The following MCTP2 variants were observed in gnomAD, a reference collection of about 807,000 sequenced individuals.
The protein encoded by MCTP2 is multiple C2 and transmembrane domain containing 2.
MCTP2 carries 132 observed loss-of-function variants against 111.6 expected under a neutral mutation model. That is an observed-to-expected ratio of 1.18 (90% CI 1.03 to 1.37). The LOEUF (loss-of-function observed/expected upper bound fraction) is 1.37. MCTP2 is among the 40% of genes most tolerant of loss of function. The pLI, the probability that MCTP2 is intolerant of heterozygous loss-of-function variation, is 0.00. For synonymous variants in MCTP2, 395 were observed against 387.7 expected, an observed-to-expected ratio of 1.02 and a Z score of -0.22; for missense variants, 1,183 against 1,067.9, an observed-to-expected ratio of 1.11 and a Z score of -1.50.
At chr15:94,322,186 A>G (rs1371383519) in intron 4 of MCTP2, among the ~76,000 whole-genome samples, 2 of 152,178 alleles carry the variant, frequency 1.3e-5, no homozygotes, top group African/African-American at 2.4e-5. Flanking sequence ...TTAATCACAT[A>G]TTTTTTATTA....
intron 1 of MCTP2, among the ~76,000 whole-genome samples, chr15:94,294,187 C>T (rs574453721): frequency 2.0e-4 from 31 of 152,178 alleles, no homozygotes; most frequent in African/African-American, 7.0e-4. Context: ...GAGAATAGAA[C>T]GGTGGTTTGC....
intron 1 of MCTP2, among the ~76,000 whole-genome samples, chr15:94,241,771 A>G (rs1048431374): frequency 6.6e-6 from 1 of 151,874 alleles, no homozygotes; most frequent in Non-Finnish European, 1.5e-5. Flanking sequence ...ACAGTTTCCT[A>G]AGGCATACCC....
chr15:94,342,176 A>G (rs1043372375), intron 7 of MCTP2: 5 of 152,210 alleles, frequency 3.3e-5, no homozygotes, highest in African/African-American at 1.2e-4. Flanking sequence ...AAATAGCTGC[A>G]TATTCAAATG....
At chr15:94,327,620 C>T (rs1049279540) in intron 4 of MCTP2, among the ~76,000 whole-genome samples, 2 of 152,220 alleles carry the variant, frequency 1.3e-5, no homozygotes, top group African/African-American at 4.8e-5. Flanking sequence ...AAATGTGAAC[C>T]TTTCAAAGAT....
At chr15:94,450,973 C>T (rs2084407204) in intron 19 of MCTP2, among the ~76,000 whole-genome samples, 1 of 152,208 alleles carries the variant, frequency 6.6e-6, no homozygotes, top group Non-Finnish European at 1.5e-5. Flanking sequence ...AGGCTCGAAG[C>T]TAGTTTATTG....
rs1351898800 is a variant in MCTP2, at chr15:94,479,918, G to T, written c.*884G>T. ...AACTGAAGACCGAGAGACTAATAAGGCTGCTTACCTAATTATTATAATCAT... is the reference window on the plus strand; with the variant it reads ...AACTGAAGACCGAGAGACTAATAAGTCTGCTTACCTAATTATTATAATCAT... On this transcript the variant is annotated 3_prime_UTR_variant, in exon 23 of 23. Coordinates refer to ENST00000357742, the MANE Select transcript of MCTP2 (RefSeq NM_001385001.1). The T allele has an allele frequency of 6.6e-6, 1 of 152,040 alleles. No homozygotes were observed. The highest frequency in any genetic ancestry group is 2.4e-5 in the African/African-American group (1 of 41,396). The allele number at this position is 152,040 out of a possible 1,614,324, so 9.4% of individuals were successfully genotyped here.
chr15:94,346,319 G>A (rs147296129), intron 8 of MCTP2, among the ~76,000 whole-genome samples: 32 of 152,008 alleles, frequency 2.1e-4, no homozygotes, highest in Admixed American at 9.8e-4. Context: ...TCTTGTTACC[G>A]TATGAGTTCA....
At chr15:94,355,346 C>T (rs997539656) in intron 8 of MCTP2, among the ~76,000 whole-genome samples, 9 of 152,180 alleles carry the variant, frequency 5.9e-5, no homozygotes, top group African/African-American at 1.9e-4. Context: ...TTATACTCTT[C>T]TCTTTACCTT....
chr15:94,237,580 A>G (rs1166871195), intron 1 of MCTP2, among the ~76,000 whole-genome samples: 1 of 152,200 alleles, frequency 6.6e-6, no homozygotes, highest in Non-Finnish European at 1.5e-5. Context: ...CTCTGGCATA[A>G]CATTACCTGA....
At chr15:94,427,330 C>T (rs2082943230) in intron 17 of MCTP2, among the ~76,000 whole-genome samples, 2 of 152,140 alleles carry the variant, frequency 1.3e-5, no homozygotes, top group Admixed American at 6.5e-5. Context: ...GATATGAAGA[C>T]ATACCTGAGA....
At chr15:94,349,973 C>T (rs957878093) in intron 8 of MCTP2, among the ~76,000 whole-genome samples, 4 of 152,090 alleles carry the variant, frequency 2.6e-5, no homozygotes, top group Admixed American at 6.5e-5. Flanking sequence ...CGGTGTGTCC[C>T]CTGGACCAGC....
At position 94,461,240 on chromosome 15, in the gene MCTP2, A is replaced by C. The variant is rs182582171; in HGVS notation, c.2360+2994A>C. On this transcript the variant is annotated intron_variant, in intron 20 of 22. Transcript: ENST00000357742. Reference sequence around the variant, plus strand: ...TTTGGGAGGCTGAGGTGGGCGGATCACCTGAGGTCAGGAGTTCGAGACCAG... The same window carrying C: ...TTTGGGAGGCTGAGGTGGGCGGATCCCCTGAGGTCAGGAGTTCGAGACCAG... 1.5e-3 allele frequency among the ~76,000 whole-genome samples: 222 copies of C among 152,290 alleles called. 1 individual carries two copies. The highest frequency in any genetic ancestry group is 5.0e-3 in the African/African-American group (207 of 41,568).
chr15:94,284,046 T>G (rs1410707946), intron 1 of MCTP2, among the ~76,000 whole-genome samples: 1 of 152,190 alleles, frequency 6.6e-6, no homozygotes, highest in African/African-American at 2.4e-5. Context: ...GCATCAGGAA[T>G]ATAAATTAAT....
chr15:94,285,946 G>A (rs1216485190), intron 1 of MCTP2, among the ~76,000 whole-genome samples: 1 of 152,114 alleles, frequency 6.6e-6, no homozygotes. Flanking sequence ...AATTTTGAAG[G>A]GGTTTCTGTC....
chr15:94,402,706 G>T (rs1247597700), intron 17 of MCTP2: 2 of 1,450,094 alleles, frequency 1.4e-6, no homozygotes, highest in East Asian at 2.5e-5. Context: ...ATTTGTAAAG[G>T]GACTTGTCCT....
At position 94,373,199 on chromosome 15, in the gene MCTP2, G is replaced by T. The variant is rs150347388; in HGVS notation, c.1582+3019G>T. 2.4e-3 allele frequency among the ~76,000 whole-genome samples: 370 copies of T among 152,226 alleles called. 4 individuals are homozygous for T. Among genetic ancestry groups the T allele is most frequent in the Middle Eastern group, 0.017 (5 of 294 alleles). ...AAAATATAGGTCATTCAAGCCACGGGAATCAAATTAGAAGGATATTCCCTG... is the reference window on the plus strand; with the variant it reads ...AAAATATAGGTCATTCAAGCCACGGTAATCAAATTAGAAGGATATTCCCTG... On this transcript the variant is annotated intron_variant, in intron 12 of 22. Coordinates refer to ENST00000357742, the MANE Select transcript of MCTP2 (RefSeq NM_001385001.1).
chr15:94,354,616 C>T (rs139127602), intron 8 of MCTP2, among the ~76,000 whole-genome samples: 70 of 152,252 alleles, frequency 4.6e-4, no homozygotes, highest in African/African-American at 1.6e-3. Flanking sequence ...GTAAATTACC[C>T]GCCAGGCAGT....
chr15:94,443,049 T>C (rs183751374), intron 19 of MCTP2, 89 bp downstream of exon 19: 315 of 503,842 alleles, frequency 6.3e-4, no homozygotes, highest in Admixed American at 2.5e-3. Context: ...TCTCCTCTCT[T>C]TTTTTTTTTT....
At chr15:94,346,802 A>AAGTTAT (rs1260326248) in intron 8 of MCTP2, among the ~76,000 whole-genome samples, 149 of 152,206 alleles carry the variant, frequency 9.8e-4, no homozygotes, top group Middle Eastern at 3.4e-3. Context: ...AAAAATGTTG[A>AAGTTAT]CGGCCTGGGT....
Sources: gnomAD v4.1 joint callset for allele counts (sites outside exome capture counted in the v4.1 genomes callset) on GRCh38, gnomAD v4.1.1 for gene constraint, MANE v1.5 for transcripts, NCBI Gene and HGNC (gene_info 2026-07-23, HGNC 2026-07-21) for gene names.